CDYL2: variants seen among roughly 807,000 people sequenced by gnomAD.
CDYL2 encodes the protein chromodomain Y-like protein 2.
Under a neutral mutation model 49.4 loss-of-function variants are expected in CDYL2, and 23 were observed. That is an observed-to-expected ratio of 0.47 (90% CI 0.34 to 0.66). The LOEUF (loss-of-function observed/expected upper bound fraction) is 0.66. CDYL2 is among the 30% of genes least tolerant of loss of function. CDYL2 has a pLI of 0.01. For synonymous variants in CDYL2, 360 were observed against 268.8 expected (o/e 1.34, Z -3.32); for missense variants, 678 against 656.4 (o/e 1.03, Z -0.36).
intron 5 of CDYL2, among the ~76,000 whole-genome samples, chr16:80,609,157 C>T (rs769804916): frequency 6.6e-5 from 10 of 152,190 alleles, no homozygotes; most frequent in Non-Finnish European, 1.3e-4. Context: ...AGCTGTCATA[C>T]AAGGTCTGGG....
At chr16:80,793,908 C>T (rs1177306062) in intron 1 of CDYL2, among the ~76,000 whole-genome samples, 1 of 152,114 alleles carries the variant, frequency 6.6e-6, no homozygotes, top group Non-Finnish European at 1.5e-5. Context: ...GTAACAGTCT[C>T]GGCAGTCAAT....
intron 2 of CDYL2, among the ~76,000 whole-genome samples, chr16:80,640,700 A>G (rs766214672): frequency 6.6e-6 from 1 of 152,218 alleles, no homozygotes; most frequent in Non-Finnish European, 1.5e-5. Flanking sequence ...AATTAAAAAT[A>G]ACACAGAGAA....
chr16:80,617,227 G>C (rs1906872357), intron 4 of CDYL2, among the ~76,000 whole-genome samples: 1 of 152,188 alleles, frequency 6.6e-6, no homozygotes, highest in South Asian at 2.1e-4. Context: ...GTTTTCTTTA[G>C]GCAAGGATGA....
chr16:80,702,769 A>G (rs1474602786), intron 1 of CDYL2, among the ~76,000 whole-genome samples: 1 of 152,142 alleles, frequency 6.6e-6, no homozygotes, highest in Non-Finnish European at 1.5e-5. Flanking sequence ...CCACAATATT[A>G]GGAGGCTAGC....
chr16:80,793,012 A>G (rs1360558955), intron 1 of CDYL2, among the ~76,000 whole-genome samples: 1 of 152,208 alleles, frequency 6.6e-6, no homozygotes, highest in African/African-American at 2.4e-5. Flanking sequence ...ACCTCAATGC[A>G]GAGCAGCTTC....
intron 1 of CDYL2, among the ~76,000 whole-genome samples, chr16:80,728,205 T>A (rs533727285): frequency 2.0e-5 from 3 of 151,668 alleles, no homozygotes; most frequent in Non-Finnish European, 4.4e-5. Flanking sequence ...TTGAAAAAAA[T>A]TTAGACGAAT....
chr16:80,730,685 T>C (rs1033066745), intron 1 of CDYL2, among the ~76,000 whole-genome samples: 21 of 152,296 alleles, frequency 1.4e-4, no homozygotes, highest in Non-Finnish European at 2.6e-4. Context: ...TTGATGAACA[T>C]TGATGCAAAA....
At chr16:80,766,767 A>G (rs1203935331) in intron 1 of CDYL2, among the ~76,000 whole-genome samples, 1 of 152,200 alleles carries the variant, frequency 6.6e-6, no homozygotes, top group Non-Finnish European at 1.5e-5. Flanking sequence ...CTACAAAAAG[A>G]AAGTGTAAAA....
intron 1 of CDYL2, among the ~76,000 whole-genome samples, chr16:80,753,605 T>C (rs1188080530): frequency 2.0e-5 from 3 of 151,332 alleles, no homozygotes; most frequent in Non-Finnish European, 4.4e-5. Flanking sequence ...CAAAACTCCA[T>C]CTCAAAAAAA....
At chr16:80,797,098 C>T (rs1394971884) in intron 1 of CDYL2, among the ~76,000 whole-genome samples, 2 of 152,186 alleles carry the variant, frequency 1.3e-5, no homozygotes, top group African/African-American at 4.8e-5. Context: ...AAGACCCCTC[C>T]TCATGTTTAC....
intron 4 of CDYL2, among the ~76,000 whole-genome samples, chr16:80,618,708 T>G (rs1906943007): frequency 1.3e-5 from 2 of 152,162 alleles, no homozygotes; most frequent in Admixed American, 1.3e-4. Context: ...AACCCAGGGC[T>G]GGCCTGGGAG....
rs1597132472 is a variant in CDYL2, at chr16:80,784,497, A to G, written c.24+19653T>C. The stretch of plus-strand genomic sequence containing the variant: ...GAGAATTCTTCCCAGTAACACACTT[A>G]AAGTGGGATCTTAAGTTGTTTAGAG... On this transcript the variant is annotated intron_variant, in intron 1 of 6. Coordinates refer to ENST00000570137, the MANE Select transcript of CDYL2 (RefSeq NM_152342.4). 2.0e-5 allele frequency among the ~76,000 whole-genome samples: 3 copies of G among 152,234 alleles called. No individual in the cohort carries two copies. In the East Asian group the frequency reaches 5.8e-4, roughly 29 times the overall value.
intron 6 of CDYL2, 74 bp from the exon 7 acceptor site, chr16:80,604,620 G>C: frequency 6.6e-7 from 1 of 1,521,626 alleles, no homozygotes; most frequent in Non-Finnish European, 9.1e-7. Flanking sequence ...CTGGCCCATG[G>C]GGCACTGGCC....
intron 1 of CDYL2, among the ~76,000 whole-genome samples, chr16:80,729,961 G>C (rs1183138776): frequency 1.3e-5 from 2 of 152,064 alleles, no homozygotes; most frequent in Admixed American, 6.5e-5. Flanking sequence ...AGTGGGTAGA[G>C]GGAAATTTAT....
Position 80,722,881 on chromosome 16 carries a change from G to A in CDYL2, c.25-37752C>T, listed in dbSNP as rs115280291. Among the ~76,000 whole-genome samples the A allele has an allele frequency of 2.7e-3, 404 of 152,350 alleles. 3 individuals are homozygous for A. Among genetic ancestry groups the A allele is most frequent in the African/African-American group, 9.4e-3 (390 of 41,590 alleles). ...CAACATACAAAGGGTTGAGTTCACAGGAGGGAAAATTATTCTTGGCTGGAG... is the reference window on the plus strand; with the variant it reads ...CAACATACAAAGGGTTGAGTTCACAAGAGGGAAAATTATTCTTGGCTGGAG... On this transcript the variant is annotated intron_variant, in intron 1 of 6. Coordinates refer to ENST00000570137, the MANE Select transcript of CDYL2 (RefSeq NM_152342.4).
intron 3 of CDYL2, among the ~76,000 whole-genome samples, chr16:80,631,292 C>G (rs1907550567): frequency 6.6e-6 from 1 of 152,212 alleles, no homozygotes; most frequent in Admixed American, 6.5e-5. Context: ...AGCCCCTGTT[C>G]AGTGGCTGTC....
At chr16:80,642,301 G>A (rs1333519461) in intron 2 of CDYL2, among the ~76,000 whole-genome samples, 1 of 152,038 alleles carries the variant, frequency 6.6e-6, no homozygotes, top group African/African-American at 2.4e-5. Context: ...AAATTAGCTG[G>A]GCATGGTGGC....
chr16:80,790,894 G>C (rs1907588322), intron 1 of CDYL2, among the ~76,000 whole-genome samples: 1 of 152,194 alleles, frequency 6.6e-6, no homozygotes, highest in African/African-American at 2.4e-5. Context: ...AGACTCTCCA[G>C]AACAGTCCGG....
chr16:80,770,710 A>C (rs974057260), intron 1 of CDYL2, among the ~76,000 whole-genome samples: 2 of 152,214 alleles, frequency 1.3e-5, no homozygotes, highest in Non-Finnish European at 2.9e-5. Flanking sequence ...GCTAAGTTTT[A>C]ATTTTTTAAA....
Sources: allele counts gnomAD v4.1 joint callset (sites outside exome capture counted in the v4.1 genomes callset), GRCh38; gene constraint gnomAD v4.1.1; transcripts MANE v1.5; gene names NCBI Gene and HGNC (gene_info 2026-07-23, HGNC 2026-07-21).